Variants in WWC2 observed in about 807,000 individuals in gnomAD.
WWC2 encodes protein WWC2.
WWC2 carries 101 observed loss-of-function variants against 138.5 expected under a neutral mutation model. The ratio of observed to expected loss-of-function variants is 0.73; its 90% CI spans 0.62 to 0.86. WWC2 has a LOEUF of 0.86. Ranked by LOEUF, WWC2 falls within the 40% of genes least tolerant of loss-of-function variation. The pLI is 0.00. For synonymous variants in WWC2, 558 were observed against 538.4 expected (o/e 1.04, Z -0.50); for missense variants, 1,420 against 1,419.4 (o/e 1.00, Z -0.01).
intron 1 of WWC2, among the ~76,000 whole-genome samples, chr4:183,185,065 C>T (rs1734749862): frequency 6.6e-6 from 1 of 151,974 alleles, no homozygotes; most frequent in African/African-American, 2.4e-5. Context: ...AGGTGAACTT[C>T]TGGTCCCTGA....
intron 1 of WWC2, among the ~76,000 whole-genome samples, chr4:183,135,956 CTCTTTTCTTT>C (rs145070337): frequency 3.1e-4 from 47 of 151,726 alleles, no homozygotes; most frequent in East Asian, 2.1e-3. Flanking sequence ...GTTTTCTATT[CTCTTTTCTTT>C]TCTTTTCTTT....
At chr4:183,099,848 G>C (rs995849953) in intron 1 of WWC2, among the ~76,000 whole-genome samples, 1 of 150,770 alleles carries the variant, frequency 6.6e-6, no homozygotes, top group African/African-American at 2.4e-5. Flanking sequence ...CCGAGGCAAG[G>C]CTGGAGTCGC....
At chr4:183,233,148 CTTTTTTTT>C (rs543576361) in intron 4 of WWC2, among the ~76,000 whole-genome samples, 2 of 84,812 alleles carry the variant, frequency 2.4e-5, no homozygotes, top group African/African-American at 5.3e-5. Flanking sequence ...CTTTTTAAAC[CTTTTTTTT>C]TTTTTTTTTT....
intron 1 of WWC2, among the ~76,000 whole-genome samples, chr4:183,183,774 C>T (rs1486820311): frequency 6.6e-6 from 1 of 151,648 alleles, no homozygotes; most frequent in Non-Finnish European, 1.5e-5. Flanking sequence ...CAGAGTGAGA[C>T]CCTGTCTCAA....
chr4:183,219,210 T>C (rs904044679), intron 4 of WWC2, among the ~76,000 whole-genome samples: 1 of 152,156 alleles, frequency 6.6e-6, no homozygotes, highest in Non-Finnish European at 1.5e-5. Flanking sequence ...TACTGTTTAA[T>C]AGGGACAGAG....
chr4:183,299,307 T>TG (rs1392248103), intron 21 of WWC2, among the ~76,000 whole-genome samples: 1 of 152,118 alleles, frequency 6.6e-6, no homozygotes, highest in Admixed American at 6.5e-5. Context: ...GCTTGAGTTT[T>TG]GGGGGGAAAA....
chr4:183,274,185 G>T (rs1038598388), intron 16 of WWC2, among the ~76,000 whole-genome samples: 5 of 152,090 alleles, frequency 3.3e-5, no homozygotes, highest in African/African-American at 4.8e-5. Flanking sequence ...TCTTTTTAAA[G>T]ATTATTTTGG....
intron 5 of WWC2, among the ~76,000 whole-genome samples, chr4:183,241,333 C>T (rs1347306029): frequency 6.6e-6 from 1 of 152,222 alleles, no homozygotes; most frequent in Non-Finnish European, 1.5e-5. Context: ...AAGCAGCAAG[C>T]CCCTTTAAAG....
chr4:183,269,138 G>A lies in WWC2; in HGVS notation c.2375G>A (p.Ser792Asn), dbSNP rs749844846. Residue 792 changes from serine (S) to asparagine (N), a missense_variant, in exon 15 of 23, where the codon AGT (serine) becomes AAT (asparagine). Physicochemically the swap from Ser to Asn is conservative, Grantham distance 46. Coordinates refer to ENST00000403733, the MANE Select transcript of WWC2 (RefSeq NM_024949.6). ...KTLRVDLCSV[S>N]KHRREECLAG... ...CTGAGGGTAGACCTTTGCTCTGTCA[G>A]TAAACACCGAAGGGAAGAATGCCTG... 6 of 1,611,440 alleles carry A rather than the reference G, an allele frequency of 3.7e-6. No homozygotes were observed. Among genetic ancestry groups the A allele is most frequent in the South Asian group, 3.3e-5 (3 of 90,128 alleles).
Position 183,265,871 on chromosome 4 carries a change from T to G in WWC2, c.2127T>G (p.Asn709Lys). ...TTAGCCTCTCTTTTGACAGATACAATGCAAAAAGTTCAAGTTTCATGGTGA... is the reference window on the plus strand; with the variant it reads ...TTAGCCTCTCTTTTGACAGATACAAGGCAAAAAGTTCAAGTTTCATGGTGA... ...TAQVQIGLRY[N>K]AKSSSFMVII... Residue 709 changes from asparagine (N) to lysine (K), a missense_variant, in exon 14 of 23, where the codon AAT (asparagine) becomes AAG (lysine). Asn to Lys is a moderately conservative substitution (Grantham distance 94, BLOSUM62 0). Coordinates refer to ENST00000403733, the MANE Select transcript of WWC2 (RefSeq NM_024949.6). 4 of 1,612,884 alleles carry G rather than the reference T, an allele frequency of 2.5e-6. No individual in the cohort carries two copies. The highest frequency in any genetic ancestry group is 3.4e-6 in the Non-Finnish European group (4 of 1,179,472).
At position 183,312,275 on chromosome 4, in the gene WWC2, A is replaced by G. The variant is rs143112797; in HGVS notation, c.3385-66A>G. 359 of 1,585,726 alleles carry G rather than the reference A, an allele frequency of 2.3e-4. 3 individuals are homozygous for G. The East Asian group carries it at 7.8e-3, about 34-fold the overall frequency. On this transcript the variant is annotated intron_variant, in intron 21 of 22. Coordinates refer to ENST00000403733, the MANE Select transcript of WWC2 (RefSeq NM_024949.6). Reference sequence around the variant, plus strand: ...TAGTCCACAATCTTTGAAGCTTCATAGGATGTCTCCAGGGATTTCTAATCA... The same window carrying G: ...TAGTCCACAATCTTTGAAGCTTCATGGGATGTCTCCAGGGATTTCTAATCA...
intron 1 of WWC2, among the ~76,000 whole-genome samples, chr4:183,169,682 A>G (rs1160284631): frequency 6.6e-6 from 1 of 152,174 alleles, no homozygotes; most frequent in East Asian, 1.9e-4. Context: ...GAATATATTT[A>G]TGCATATAAG....
At chr4:183,308,065 C>T (rs1739082242) in intron 21 of WWC2, among the ~76,000 whole-genome samples, 1 of 152,132 alleles carries the variant, frequency 6.6e-6, no homozygotes, top group African/African-American at 2.4e-5. Context: ...AAAAGTTAAT[C>T]ACTTTTCTAT....
At chr4:183,315,226 G>A (rs149792066) in intron 22 of WWC2, among the ~76,000 whole-genome samples, 1 of 152,254 alleles carries the variant, frequency 6.6e-6, no homozygotes, top group African/African-American at 2.4e-5. Flanking sequence ...TCGCTCATCA[G>A]GTTGTCCCTG....
chr4:183,313,352 A>G (rs1739328322), intron 22 of WWC2, among the ~76,000 whole-genome samples: 1 of 152,106 alleles, frequency 6.6e-6, no homozygotes, highest in Non-Finnish European at 1.5e-5. Flanking sequence ...TAGGGCAGAT[A>G]TCAGAGGCAT....
At chr4:183,164,232 C>T (rs1316120694) in intron 1 of WWC2, among the ~76,000 whole-genome samples, 2 of 146,638 alleles carry the variant, frequency 1.4e-5, no homozygotes, top group Non-Finnish European at 3.0e-5. Flanking sequence ...TAACGTAGGT[C>T]AGTGTCCCCT....
chr4:183,284,332 G>T lies in WWC2; in HGVS notation c.2990G>T (p.Ser997Ile). ...AGACAGCATCCGTTTGTGAGGAGCA[G>T]TGTGATAGTGCGCTCACAGACCTTT... ...SSRQHPFVRS[S>I]VIVRSQTFSP... The change falls in exon 19 of 23, where the codon AGT (serine) becomes ATT (isoleucine). Residue 997 changes from serine to isoleucine, a missense_variant. Coordinates refer to ENST00000403733, the MANE Select transcript of WWC2 (RefSeq NM_024949.6). 7 of 1,613,980 alleles carry T rather than the reference G, an allele frequency of 4.3e-6. No individual in the cohort carries two copies. Among genetic ancestry groups the T allele is most frequent in the Non-Finnish European group, 5.9e-6 (7 of 1,179,892 alleles).
chr4:183,122,661 A>G (rs946241109), intron 1 of WWC2, among the ~76,000 whole-genome samples: 2 of 152,080 alleles, frequency 1.3e-5, no homozygotes, highest in African/African-American at 2.4e-5. Context: ...CTGGGATTAC[A>G]GGCATGCACC....
At chr4:183,136,447 T>C (rs866201627) in intron 1 of WWC2, among the ~76,000 whole-genome samples, 4 of 152,220 alleles carry the variant, frequency 2.6e-5, no homozygotes, top group Non-Finnish European at 5.9e-5. Context: ...ATTGGTTCAT[T>C]TTCAAATCTG....
Sources: gnomAD v4.1 joint callset for allele counts (sites outside exome capture counted in the v4.1 genomes callset) on GRCh38, gnomAD v4.1.1 for gene constraint, MANE v1.5 for transcripts, NCBI Gene and HGNC (gene_info 2026-07-23, HGNC 2026-07-21) for gene names.